FAM180A: variants seen among roughly 807,000 people sequenced by gnomAD.
FAM180A encodes protein FAM180A.
FAM180A carries 14 observed loss-of-function variants against 15.3 expected under a neutral mutation model. The observed-to-expected ratio is 0.92, with a 90% CI of 0.61 to 1.43. The LOEUF is 1.43. FAM180A is among the 40% of genes most tolerant of loss of function. The pLI is 0.00. For missense variants in FAM180A, 200 were observed against 220.8 expected, an observed-to-expected ratio of 0.91 and a Z score of 0.60; for synonymous variants, 90 against 96.8, an observed-to-expected ratio of 0.93 and a Z score of 0.41.
chr7:135,748,642 T>C lies in FAM180A; in HGVS notation c.-62A>G, dbSNP rs1000052751. The C allele has an allele frequency of 7.7e-7, 1 of 1,297,806 alleles. No homozygotes were observed. The highest frequency in any genetic ancestry group is 1.7e-5 in the Admixed American group (1 of 59,354). The allele number at this position is 1,297,806 out of a possible 1,614,324, so 80.4% of individuals were successfully genotyped here. ...CCAGTGGAACCCCAGTAGCTGCAGG[T>C]ATGCCCGTGCCGTTCTTCCCAGTGA... On this transcript the variant is annotated 5_prime_UTR_variant, in exon 1 of 4. The change creates a new upstream start codon in the 5' untranslated region. Transcript: ENST00000338588.
At chr7:135,737,253 C>T in intron 1 of FAM180A, 54 bp from the exon 2 acceptor site, 1 of 1,353,152 alleles carries the variant, frequency 7.4e-7, no homozygotes, top group South Asian at 1.4e-5. Flanking sequence ...CAGACCTTCT[C>T]CCTCTGATCC....
intron 1 of FAM180A, among the ~76,000 whole-genome samples, chr7:135,737,842 A>G (rs1164024862): frequency 1.3e-5 from 2 of 152,266 alleles, no homozygotes; most frequent in Non-Finnish European, 2.9e-5. Context: ...GGGGATATGC[A>G]TGCCTTAGGA....
chr7:135,740,228 G>A lies in FAM180A; in HGVS notation c.77-3029C>T, dbSNP rs138810320. Among the ~76,000 whole-genome samples the A allele has an allele frequency of 2.4e-3, 372 of 152,278 alleles. 1 individual carries two copies. Among genetic ancestry groups the A allele is most frequent in the African/African-American group, 7.7e-3 (318 of 41,538 alleles). ...TTAACACTGTTAGAGTCACCAAAGC[G>A]GTTTCTTGGACCTGGCTCCAGAGTT... On this transcript the variant is annotated intron_variant, in intron 1 of 3. Coordinates refer to ENST00000338588, the MANE Select transcript of FAM180A (RefSeq NM_205855.4).
chr7:135,737,914 A>G (rs1264063910), intron 1 of FAM180A, among the ~76,000 whole-genome samples: 3 of 152,252 alleles, frequency 2.0e-5, no homozygotes, highest in Non-Finnish European at 4.4e-5. Flanking sequence ...AAAAAGCCCC[A>G]AAGTCAGTAA....
intron 2 of FAM180A, among the ~76,000 whole-genome samples, chr7:135,735,726 G>A (rs1249532840): frequency 6.6e-6 from 1 of 152,102 alleles, no homozygotes; most frequent in African/African-American, 2.4e-5. Flanking sequence ...TTTTTGAGAT[G>A]GAGTCTCGCT....
chr7:135,741,309 G>A (rs1206360066), intron 1 of FAM180A, among the ~76,000 whole-genome samples: 1 of 152,160 alleles, frequency 6.6e-6, no homozygotes, highest in African/African-American at 2.4e-5. Flanking sequence ...AATAGCTTCA[G>A]ACAATGGGAA....
intron 1 of FAM180A, among the ~76,000 whole-genome samples, chr7:135,744,622 G>C (rs1210292608): frequency 2.0e-5 from 3 of 152,192 alleles, no homozygotes; most frequent in Admixed American, 6.5e-5. Context: ...ACCATGTAGG[G>C]GGGAGCTTGG....
At chr7:135,734,866 ATAAAGG>A (rs1796848523) in intron 2 of FAM180A, among the ~76,000 whole-genome samples, 1 of 152,206 alleles carries the variant, frequency 6.6e-6, no homozygotes, top group Non-Finnish European at 1.5e-5. Context: ...GAGTTCAGAC[ATAAAGG>A]TCATAAAATT....
intron 2 of FAM180A, among the ~76,000 whole-genome samples, chr7:135,736,468 T>C (rs1796874091): frequency 6.6e-6 from 1 of 152,240 alleles, no homozygotes; most frequent in Non-Finnish European, 1.5e-5. Context: ...CAGTGGCTTA[T>C]GCAAGGTGGC....
intron 1 of FAM180A, among the ~76,000 whole-genome samples, chr7:135,740,556 G>C (rs1796930565): frequency 6.6e-6 from 1 of 152,156 alleles, no homozygotes; most frequent in South Asian, 2.1e-4. Flanking sequence ...ACTTTTTCCA[G>C]CTCCCAGGCT....
intron 1 of FAM180A, among the ~76,000 whole-genome samples, chr7:135,745,986 T>C (rs1797027278): frequency 6.6e-6 from 1 of 152,130 alleles, no homozygotes; most frequent in South Asian, 2.1e-4. Context: ...AATTGTGTAT[T>C]TCTTTTATAA....
chr7:135,739,816 A>G (rs1297972496), intron 1 of FAM180A, among the ~76,000 whole-genome samples: 6 of 152,104 alleles, frequency 3.9e-5, no homozygotes, highest in African/African-American at 1.4e-4. Flanking sequence ...TCAGTAACTT[A>G]TTTATGATCG....
chr7:135,732,689 TCACACACA>T (rs143588470), intron 3 of FAM180A, among the ~76,000 whole-genome samples: 1,748 of 141,924 alleles, frequency 0.012, 21 homozygotes, highest in African/African-American at 0.029. Flanking sequence ...CGAGACTCCA[TCACACACA>T]CACACACACA....
chr7:135,731,371 T>C (rs1796778030), intron 3 of FAM180A, among the ~76,000 whole-genome samples: 1 of 151,922 alleles, frequency 6.6e-6, no homozygotes, highest in African/African-American at 2.4e-5. Flanking sequence ...GTGTTTTACT[T>C]AGACAATGAT....
intron 1 of FAM180A, among the ~76,000 whole-genome samples, chr7:135,740,698 A>C (rs1796932949): frequency 1.3e-5 from 2 of 152,118 alleles, no homozygotes; most frequent in Admixed American, 1.3e-4. Context: ...CAAGGTCATC[A>C]TGTTCTTGGA....
intron 1 of FAM180A, among the ~76,000 whole-genome samples, chr7:135,741,246 C>T (rs538422788): frequency 6.6e-6 from 1 of 152,320 alleles, no homozygotes; most frequent in East Asian, 1.9e-4. Context: ...TTGTCATTTC[C>T]AATAGCTCTT....
intron 3 of FAM180A, among the ~76,000 whole-genome samples, chr7:135,731,588 T>A (rs1280001880): frequency 6.6e-6 from 1 of 151,950 alleles, no homozygotes; most frequent in Non-Finnish European, 1.5e-5. Context: ...AGAGAGAATA[T>A]GTACATTTAG....
chr7:135,738,771 C>G (rs1796906548), intron 1 of FAM180A, among the ~76,000 whole-genome samples: 1 of 152,200 alleles, frequency 6.6e-6, no homozygotes, highest in Non-Finnish European at 1.5e-5. Flanking sequence ...GGAGCAGGCA[C>G]TGTGCAGAAA....
chr7:135,734,399 C>T (rs1325732385), intron 2 of FAM180A, 80 bp from the exon 3 acceptor site: 1 of 1,331,894 alleles, frequency 7.5e-7, no homozygotes, highest in Non-Finnish European at 1.0e-6. Flanking sequence ...CGCACCTTCC[C>T]TTAGGGAGGC....
Sources: allele counts gnomAD v4.1 joint callset (sites outside exome capture counted in the v4.1 genomes callset), GRCh38; gene constraint gnomAD v4.1.1; transcripts MANE v1.5; gene names NCBI Gene and HGNC (gene_info 2026-07-23, HGNC 2026-07-21).